Variants in ZNF385B observed in about 807,000 individuals in gnomAD.
ZNF385B encodes zinc finger protein 385B.
ZNF385B carries 23 observed loss-of-function variants against 39.2 expected under a neutral mutation model. That is an observed-to-expected ratio of 0.59 (90% CI 0.42 to 0.83). ZNF385B has a LOEUF of 0.83. ZNF385B is among the 40% of genes least tolerant of loss of function. The pLI is 0.00. For missense variants in ZNF385B, 552 were observed against 598.9 expected (o/e 0.92, Z 0.82); for synonymous variants, 205 against 222.6 (o/e 0.92, Z 0.70).
intron 3 of ZNF385B, among the ~76,000 whole-genome samples, chr2:179,617,745 G>A (rs1689872215): frequency 6.6e-6 from 1 of 152,138 alleles, no homozygotes; most frequent in African/African-American, 2.4e-5. Flanking sequence ...GGGTACATGT[G>A]CTTGTTTGTT....
intron 3 of ZNF385B, among the ~76,000 whole-genome samples, chr2:179,577,176 C>A (rs1173260009): frequency 6.6e-6 from 1 of 152,006 alleles, no homozygotes; most frequent in East Asian, 1.9e-4. Flanking sequence ...GCTTTAGAAC[C>A]CTCTATGAGA....
intron 3 of ZNF385B, chr2:179,584,094 T>C (rs1686831190): frequency 2.0e-6 from 1 of 490,166 alleles, no homozygotes. Context: ...AATAAGTAGG[T>C]AATTACATTA....
chr2:179,545,650 C>T (rs1316073651), intron 3 of ZNF385B, among the ~76,000 whole-genome samples: 2 of 152,264 alleles, frequency 1.3e-5, no homozygotes, highest in Middle Eastern at 3.4e-3. Flanking sequence ...TTGTTTTCAA[C>T]TTTTTATTTC....
chr2:179,713,483 T>G (rs1447163075), intron 3 of ZNF385B, among the ~76,000 whole-genome samples: 1 of 152,174 alleles, frequency 6.6e-6, no homozygotes, highest in Non-Finnish European at 1.5e-5. Context: ...CTGACCACTA[T>G]AACTATTCCC....
intron 6 of ZNF385B, among the ~76,000 whole-genome samples, chr2:179,481,321 G>A (rs752120141): frequency 6.6e-6 from 1 of 151,576 alleles, no homozygotes; most frequent in Non-Finnish European, 1.5e-5. Context: ...TATAATCCGG[G>A]CCCCTTTATT....
chr2:179,568,166 A>G (rs2105986324), intron 3 of ZNF385B, among the ~76,000 whole-genome samples: 1 of 152,120 alleles, frequency 6.6e-6, no homozygotes, highest in South Asian at 2.1e-4. Flanking sequence ...AACACATCAC[A>G]TTCACTCTGT....
chr2:179,497,575 AAAGG>A (rs1385189981), intron 5 of ZNF385B, among the ~76,000 whole-genome samples: 1 of 152,088 alleles, frequency 6.6e-6, no homozygotes, highest in African/African-American at 2.4e-5. Context: ...AAAAAAATAA[AAAGG>A]AAGAAACTCA....
At chr2:179,616,322 T>C (rs532150589) in intron 3 of ZNF385B, among the ~76,000 whole-genome samples, 1 of 152,282 alleles carries the variant, frequency 6.6e-6, no homozygotes, top group African/African-American at 2.4e-5. Context: ...CAGTATGTTT[T>C]ATAGCTAGTC....
chr2:179,629,348 T>C (rs1466061316), intron 3 of ZNF385B, among the ~76,000 whole-genome samples: 1 of 152,234 alleles, frequency 6.6e-6, no homozygotes, highest in Admixed American at 6.5e-5. Context: ...GGATCTGTCA[T>C]GGTAAAGTAT....
At chr2:179,445,753 A>G in intron 7 of ZNF385B, 25 bp from the exon 8 acceptor site, 1 of 1,563,554 alleles carries the variant, frequency 6.4e-7, no homozygotes, top group Non-Finnish European at 8.6e-7. Flanking sequence ...GACACATATT[A>G]AATAGCTATC....
Position 179,782,376 on chromosome 2 carries a change from T to A in ZNF385B, c.-154-11704A>T, listed in dbSNP as rs1704720786. Among the ~76,000 whole-genome samples, 5 of 152,138 alleles carry A rather than the reference T, an allele frequency of 3.3e-5. No individual in the cohort carries two copies. The South Asian group carries it at 1.0e-3, about 32-fold the overall frequency. The stretch of plus-strand genomic sequence containing the variant: ...ATCTATGACAAACCCACAGCAACAT[T>A]TTACTGAATGGGCAAAAGCTGGAAG... On this transcript the variant is annotated intron_variant, in intron 1 of 9. Transcript: ENST00000410066.
At chr2:179,763,066 G>C (rs192955990) in intron 3 of ZNF385B, among the ~76,000 whole-genome samples, 113 of 152,144 alleles carry the variant, frequency 7.4e-4, no homozygotes, top group African/African-American at 2.7e-3. Context: ...CACCATGCTA[G>C]GTAAATTTTT....
chr2:179,674,372 C>A (rs923086448), intron 3 of ZNF385B, among the ~76,000 whole-genome samples: 1 of 152,030 alleles, frequency 6.6e-6, no homozygotes, highest in Non-Finnish European at 1.5e-5. Flanking sequence ...GGCTTTATGA[C>A]CTTTTAAAAT....
In ZNF385B at chr2:179,493,781, A is replaced by ATGTGTATATG. The variant is rs1491404646; in HGVS notation, c.553-10348_553-10347insCATATACACA. Among the ~76,000 whole-genome samples the ATGTGTATATG allele has an allele frequency of 4.4e-5, 4 of 91,804 alleles. No homozygotes were observed. In the East Asian group the frequency reaches 7.7e-4, roughly 18 times the overall value. The allele number at this position is 91,804 out of a possible 152,430, so 60.2% of individuals were successfully genotyped here. On this transcript the variant is annotated intron_variant, in intron 5 of 9. Transcript: ENST00000410066. ...CATATATGTATACATATATGTATATACACATATGTATACATATATGTATAT... is the reference window on the plus strand; with the variant it reads ...CATATATGTATACATATATGTATATATGTGTATATGCACATATGTATACATATATGTATAT...
intron 3 of ZNF385B, among the ~76,000 whole-genome samples, chr2:179,723,547 A>G (rs1468907349): frequency 6.6e-6 from 1 of 152,194 alleles, no homozygotes; most frequent in Non-Finnish European, 1.5e-5. Flanking sequence ...AAAAAGTATG[A>G]ATCTTAAAAA....
chr2:179,707,735 A>G (rs1699720846), intron 3 of ZNF385B, among the ~76,000 whole-genome samples: 1 of 152,238 alleles, frequency 6.6e-6, no homozygotes, highest in Admixed American at 6.5e-5. Flanking sequence ...AGCAAGAAAG[A>G]CAAAGGAGCC....
At chr2:179,524,525 CTGGG>C (rs2058740341) in intron 4 of ZNF385B, among the ~76,000 whole-genome samples, 1 of 127,592 alleles carries the variant, frequency 7.8e-6, no homozygotes, top group South Asian at 2.5e-4. Flanking sequence ...GCCGTCCAGC[CTGGG>C]TGACAGAGCG....
At chr2:179,725,293 T>C (rs1159998992) in intron 3 of ZNF385B, among the ~76,000 whole-genome samples, 2 of 152,122 alleles carry the variant, frequency 1.3e-5, no homozygotes, top group African/African-American at 2.4e-5. Context: ...AAGTTGTAGA[T>C]TTTCAATTAA....
intron 3 of ZNF385B, among the ~76,000 whole-genome samples, chr2:179,599,808 G>C (rs1688272000): frequency 6.6e-6 from 1 of 152,174 alleles, no homozygotes; most frequent in Non-Finnish European, 1.5e-5. Context: ...ATGGTAGCCA[G>C]GTTTGATGAC....
Sources: gnomAD v4.1 joint callset for allele counts (sites outside exome capture counted in the v4.1 genomes callset) on GRCh38, gnomAD v4.1.1 for gene constraint, MANE v1.5 for transcripts, NCBI Gene and HGNC (gene_info 2026-07-23, HGNC 2026-07-21) for gene names.